CDH11: variants seen among roughly 807,000 people sequenced by gnomAD.
CDH11 encodes cadherin 11, also known as cadherin-11.
Under a neutral mutation model 67.8 loss-of-function variants are expected in CDH11, and 11 were observed. That is an observed-to-expected ratio of 0.16 (90% confidence interval 0.10 to 0.27). The LOEUF (loss-of-function observed/expected upper bound fraction) is 0.27. Among genes scored for constraint, CDH11 ranks in the 10% least tolerant of loss-of-function variants. The pLI is 1.00. For missense variants in CDH11, 847 were observed against 1,031.2 expected (o/e 0.82, Z 2.45); for synonymous variants, 419 against 400.0 (o/e 1.05, Z -0.57).
chr16:65,038,887 C>T (rs1256414488), intron 2 of CDH11, among the ~76,000 whole-genome samples: 1 of 152,220 alleles, frequency 6.6e-6, no homozygotes, highest in African/African-American at 2.4e-5. Context: ...CACAGGGATG[C>T]TCTAAGAACA....
intron 1 of CDH11, among the ~76,000 whole-genome samples, chr16:65,102,080 G>A (rs1357804039): frequency 2.0e-5 from 3 of 152,156 alleles, no homozygotes; most frequent in African/African-American, 7.2e-5. Context: ...AGAATTAAAA[G>A]TGCCAGATTC....
At chr16:64,995,162 C>G (rs1455833522) in intron 4 of CDH11, among the ~76,000 whole-genome samples, 2 of 152,044 alleles carry the variant, frequency 1.3e-5, no homozygotes, top group East Asian at 3.9e-4. Flanking sequence ...GGCTACACTG[C>G]CCAAAGCAAT....
At chr16:65,010,278 A>G (rs2073149099) in intron 2 of CDH11, among the ~76,000 whole-genome samples, 2 of 152,148 alleles carry the variant, frequency 1.3e-5, no homozygotes, top group South Asian at 4.1e-4. Context: ...CTTTCAACAA[A>G]CACAGCTTTG....
chr16:65,010,961 AT>A (rs1229985730), intron 2 of CDH11, among the ~76,000 whole-genome samples: 3 of 131,978 alleles, frequency 2.3e-5, no homozygotes, highest in African/African-American at 7.7e-5. Flanking sequence ...ACATATATAT[AT>A]ATATGTGTTT....
At position 64,947,389 on chromosome 16, in the gene CDH11, A is replaced by G; in HGVS notation, c.*214T>C. On this transcript the variant is annotated 3_prime_UTR_variant, in exon 13 of 13. Coordinates refer to ENST00000268603, the MANE Select transcript of CDH11 (RefSeq NM_001797.4). ...TTTTTTTTTTCTAGCGAAGTTGATA[A>G]ACAACTTCAATATTTGCCTTTTTGT... is the stretch of plus-strand genomic sequence containing the variant. 7.6e-7 allele frequency: 1 copy of G among 1,312,644 alleles called. No individual in the cohort carries two copies. The highest frequency in any genetic ancestry group is 9.7e-7 in the Non-Finnish European group (1 of 1,032,838). The allele number at this position is 1,312,644 out of a possible 1,614,324, so 81.3% of individuals were successfully genotyped here.
chr16:65,100,598 C>T (rs555967791), intron 1 of CDH11, among the ~76,000 whole-genome samples: 84 of 151,916 alleles, frequency 5.5e-4, no homozygotes, highest in African/African-American at 1.6e-3. Context: ...ATTAGCCGGG[C>T]GTCGTGGCGG....
chr16:65,119,802 A>G (rs1244625019), intron 1 of CDH11, among the ~76,000 whole-genome samples: 1 of 152,210 alleles, frequency 6.6e-6, no homozygotes, highest in Non-Finnish European at 1.5e-5. Flanking sequence ...TTAATTTACA[A>G]TGTTTCAAAA....
intron 2 of CDH11, among the ~76,000 whole-genome samples, chr16:65,006,484 A>G (rs1226946522): frequency 6.6e-6 from 1 of 152,144 alleles, no homozygotes; most frequent in Non-Finnish European, 1.5e-5. Context: ...ATATTTTACA[A>G]TCTGGGTTAC....
intron 2 of CDH11, among the ~76,000 whole-genome samples, chr16:65,013,153 G>T (rs1177196415): frequency 2.6e-5 from 4 of 152,126 alleles, no homozygotes; most frequent in Non-Finnish European, 5.9e-5. Flanking sequence ...GAAGGTCTAG[G>T]TCCTAGCTGG....
chr16:65,115,386 A>AT (rs745668574), intron 1 of CDH11, among the ~76,000 whole-genome samples: 5 of 152,128 alleles, frequency 3.3e-5, no homozygotes, highest in Admixed American at 6.5e-5. Context: ...TCTAAAACAA[A>AT]TGTTCAATGC....
chr16:64,951,055 A>G (rs1433990229), intron 11 of CDH11, 37 bp from the exon 12 acceptor site: 8 of 1,595,752 alleles, frequency 5.0e-6, no homozygotes, highest in Non-Finnish European at 6.8e-6. Flanking sequence ...GCGCCCAGTC[A>G]AGACCATTGG....
chr16:65,101,178 G>T (rs1052881016), intron 1 of CDH11, among the ~76,000 whole-genome samples: 5 of 152,084 alleles, frequency 3.3e-5, no homozygotes, highest in South Asian at 4.2e-4. Flanking sequence ...CTCCACATTT[G>T]TTGGCCTCTC....
intron 1 of CDH11, among the ~76,000 whole-genome samples, chr16:65,056,002 G>A (rs753111145): frequency 1.3e-5 from 2 of 152,192 alleles, no homozygotes; most frequent in East Asian, 1.9e-4. Flanking sequence ...TTGTCTGCAA[G>A]CCATGAAGAA....
At chr16:64,962,724 G>T (rs2071706203) in intron 11 of CDH11, among the ~76,000 whole-genome samples, 1 of 152,164 alleles carries the variant, frequency 6.6e-6, no homozygotes, top group Non-Finnish European at 1.5e-5. Context: ...AGAGCATTCT[G>T]TTCTTAACAA....
chr16:65,105,172 A>C (rs2075047766), intron 1 of CDH11, among the ~76,000 whole-genome samples: 1 of 152,212 alleles, frequency 6.6e-6, no homozygotes, highest in African/African-American at 2.4e-5. Context: ...TGAACTATCT[A>C]TATGAAGGCT....
At chr16:64,998,945 A>G (rs2142511749) in intron 3 of CDH11, 89 bp from the exon 4 acceptor site, 3 of 993,970 alleles carry the variant, frequency 3.0e-6, no homozygotes, top group South Asian at 1.5e-5. Flanking sequence ...TCTGCTGCGC[A>G]CACACACACG....
At chr16:65,083,793 A>G (rs1567568770) in intron 1 of CDH11, among the ~76,000 whole-genome samples, 1 of 152,228 alleles carries the variant, frequency 6.6e-6, no homozygotes, top group Non-Finnish European at 1.5e-5. Flanking sequence ...CATGCCACCT[A>G]GGAAGTAGTC....
intron 1 of CDH11, among the ~76,000 whole-genome samples, chr16:65,083,969 T>C (rs2142809172): frequency 6.6e-6 from 1 of 152,222 alleles, no homozygotes; most frequent in Admixed American, 6.5e-5. Context: ...TGGAGAGGAT[T>C]TCCCTTGTCA....
intron 1 of CDH11, among the ~76,000 whole-genome samples, chr16:65,058,311 A>G (rs754581471): frequency 4.0e-4 from 61 of 152,256 alleles, no homozygotes; most frequent in Non-Finnish European, 7.3e-5. Flanking sequence ...AAAGCAAACT[A>G]TAATTAAATG....
Sources: gnomAD v4.1 joint callset for allele counts (sites outside exome capture counted in the v4.1 genomes callset) on GRCh38, gnomAD v4.1.1 for gene constraint, MANE v1.5 for transcripts, NCBI Gene and HGNC (gene_info 2026-07-23, HGNC 2026-07-21) for gene names.